Variants in PCDHA6 observed in about 807,000 individuals in gnomAD.
PCDHA6 encodes the protein protocadherin alpha-6.
A neutral mutation model predicts 60.3 loss-of-function variants in PCDHA6; 55 were observed. The observed-to-expected ratio is 0.91, with a 90% CI of 0.73 to 1.14. The LOEUF (loss-of-function observed/expected upper bound fraction) is 1.14, where lower values mean the gene tolerates loss of function less well. Ranked by LOEUF, PCDHA6 falls within the 50% of genes most tolerant of loss-of-function variation. PCDHA6 has a pLI of 0.00. For missense variants in PCDHA6, 1,327 were observed against 1,256.5 expected (o/e 1.06, Z -0.85); for synonymous variants, 652 against 557.9 (o/e 1.17, Z -2.38).
intron 3 of PCDHA6, among the ~76,000 whole-genome samples, chr5:140,989,670 C>G (rs907417768): frequency 6.6e-6 from 1 of 152,104 alleles, no homozygotes. Flanking sequence ...GAAACTCTGC[C>G]CAGATTTCAA....
intron 1 of PCDHA6, chr5:140,966,545 G>A: frequency 2.1e-6 from 1 of 465,980 alleles, no homozygotes; most frequent in Non-Finnish European, 3.7e-6. Context: ...CGACTCGGAG[G>A]CGAGCGGAGG....
rs148596731 is a variant in PCDHA6 at position 141,000,361 on chromosome 5, GTCTCTCTCTCTC to G, written c.2543-9242_2543-9231del. Among the ~76,000 whole-genome samples, 60 of 26,440 alleles carry G rather than the reference GTCTCTCTCTCTC, an allele frequency of 2.3e-3. 1 individual carries two copies. Among genetic ancestry groups the G allele is most frequent in the Admixed American group, 5.8e-3 (10 of 1,730 alleles). The allele number at this position is 26,440 out of a possible 152,430, so 17.3% of individuals were successfully genotyped here. On this transcript the variant is annotated intron_variant, in intron 3 of 3. Transcript: ENST00000529310. ...CCTATCTCTCTCTCTGTCTCTCTCT[GTCTCTCTCTCTC>G]TCTCTCTCTCTCTCTCTCTCTCTAT...
intron 1 of PCDHA6, among the ~76,000 whole-genome samples, chr5:140,901,260 T>G (rs1554189701): frequency 1.3e-5 from 2 of 152,190 alleles, no homozygotes; most frequent in African/African-American, 2.4e-5. Flanking sequence ...CCTGTGATTG[T>G]GGGGTATTAC....
At chr5:140,956,906 A>G (rs2095319439) in intron 1 of PCDHA6, among the ~76,000 whole-genome samples, 1 of 152,218 alleles carries the variant, frequency 6.6e-6, no homozygotes, top group Non-Finnish European at 1.5e-5. Flanking sequence ...TCTTAAATGT[A>G]TAAACTTTAA....
At chr5:140,901,311 C>T (rs1242541248) in intron 1 of PCDHA6, among the ~76,000 whole-genome samples, 3 of 152,052 alleles carry the variant, frequency 2.0e-5, no homozygotes, top group Non-Finnish European at 4.4e-5. Context: ...GGAGAGTTTC[C>T]CCAATGTTTT....
At chr5:140,869,558 T>A in intron 1 of PCDHA6, 1 of 1,614,200 alleles carries the variant, frequency 6.2e-7, no homozygotes, top group Non-Finnish European at 8.5e-7. Flanking sequence ...GACTCGCGTT[T>A]TCCACTAGAG....
intron 1 of PCDHA6, among the ~76,000 whole-genome samples, chr5:140,963,581 G>A (rs2095775682): frequency 6.6e-6 from 1 of 152,210 alleles, no homozygotes; most frequent in Non-Finnish European, 1.5e-5. Flanking sequence ...TTCTCAAAAT[G>A]TAGGATATAG....
At chr5:140,984,174 G>A (rs557769828) in intron 3 of PCDHA6, among the ~76,000 whole-genome samples, 25 of 152,318 alleles carry the variant, frequency 1.6e-4, no homozygotes, top group African/African-American at 5.8e-4. Flanking sequence ...AAGAAGCCAC[G>A]TGAAATCATG....
rs2150153517 is a variant in PCDHA6, at chr5:140,828,276, G to C, written c.185G>C (p.Arg62Pro). 1 of 1,614,090 alleles carries C rather than the reference G, an allele frequency of 6.2e-7. No homozygotes were observed. The highest frequency in any genetic ancestry group is 1.1e-5 in the South Asian group (1 of 91,082). The change falls in exon 1 of 4, where the codon CGC (arginine) becomes CCC (proline). Residue 62 changes from arginine (R) to proline (P), a missense_variant. Coordinates refer to ENST00000529310, the MANE Select transcript of PCDHA6 (RefSeq NM_018909.4). ...CTGGAGCTGGCGGAGCTGGTGCCGC[G>C]CCTGTTCAGGATGGCCTCCAAAGAC... ...LGLELAELVP[R>P]LFRMASKDRE...
chr5:140,965,011 A>T (rs1418726287), intron 1 of PCDHA6, among the ~76,000 whole-genome samples: 1 of 152,186 alleles, frequency 6.6e-6, no homozygotes, highest in Non-Finnish European at 1.5e-5. Context: ...TGTCAGGATC[A>T]CAACCTTGGC....
intron 1 of PCDHA6, among the ~76,000 whole-genome samples, chr5:140,917,333 G>C (rs1301739777): frequency 6.7e-5 from 10 of 148,748 alleles, no homozygotes; most frequent in East Asian, 2.0e-4. Flanking sequence ...GCGGGGGAGG[G>C]GGGGGATGGT....
chr5:140,937,835 C>T (rs782666689), intron 1 of PCDHA6, among the ~76,000 whole-genome samples: 3 of 151,520 alleles, frequency 2.0e-5, no homozygotes, highest in Non-Finnish European at 2.9e-5. Context: ...TGGCATGAAC[C>T]TGGAAGGCGG....
chr5:141,000,389 C>CTA (rs2097911342), intron 3 of PCDHA6, among the ~76,000 whole-genome samples: 14 of 62,576 alleles, frequency 2.2e-4, no homozygotes, highest in South Asian at 6.5e-4. Context: ...CTCTCTCTCT[C>CTA]TCTCTCTATA....
intron 1 of PCDHA6, among the ~76,000 whole-genome samples, chr5:140,942,047 T>C (rs2093223138): frequency 6.6e-6 from 1 of 152,228 alleles, no homozygotes; most frequent in African/African-American, 2.4e-5. Context: ...TGGTCTATTA[T>C]GAAATGTTTG....
At chr5:140,841,682 G>C (rs2150320729) in intron 1 of PCDHA6, 34 of 1,613,844 alleles carry the variant, frequency 2.1e-5, no homozygotes, top group Non-Finnish European at 2.5e-6. Flanking sequence ...CCATGTGGAC[G>C]TGGAGGTGAA....
At chr5:140,883,989 G>C (rs1554180956) in intron 1 of PCDHA6, 1 of 1,612,834 alleles carries the variant, frequency 6.2e-7, no homozygotes, top group Non-Finnish European at 8.5e-7. Flanking sequence ...GGCAGCGCGG[G>C]AGGCACAGTG....
intron 1 of PCDHA6, chr5:140,835,445 C>T (rs2150235847): frequency 6.2e-7 from 1 of 1,613,864 alleles, no homozygotes; most frequent in South Asian, 1.1e-5. Flanking sequence ...CTCTCACTTC[C>T]CTGTCTCTCC....
At chr5:140,939,894 T>A (rs1554213013) in intron 1 of PCDHA6, among the ~76,000 whole-genome samples, 1 of 152,220 alleles carries the variant, frequency 6.6e-6, no homozygotes, top group African/African-American at 2.4e-5. Flanking sequence ...TGTTCAAATA[T>A]TCTGCATTCT....
chr5:140,834,770 C>G lies in PCDHA6; in HGVS notation c.2394+4285C>G, dbSNP rs781912893. 4 of 1,613,922 alleles carry G rather than the reference C, an allele frequency of 2.5e-6. No homozygotes were observed. Among genetic ancestry groups the G allele is most frequent in the African/African-American group, 1.3e-5 (1 of 74,870 alleles). On this transcript the variant is annotated intron_variant, in intron 1 of 3. Transcript: ENST00000529310. ...TGGAGGTGAAGGACATTAACGACAACCCTCCGGTGTTCCCAGCGACACAAA... is the reference window on the plus strand; with the variant it reads ...TGGAGGTGAAGGACATTAACGACAAGCCTCCGGTGTTCCCAGCGACACAAA...
Sources: allele counts gnomAD v4.1 joint callset (sites outside exome capture counted in the v4.1 genomes callset), GRCh38; gene constraint gnomAD v4.1.1; transcripts MANE v1.5; gene names NCBI Gene and HGNC (gene_info 2026-07-23, HGNC 2026-07-21).